The following IMMP2L variants were observed in gnomAD, a reference collection of about 807,000 sequenced individuals.
IMMP2L encodes mitochondrial inner membrane protease subunit 2.
A neutral mutation model predicts 19.3 loss-of-function variants in IMMP2L; 18 were observed. That is an observed-to-expected ratio of 0.93 (90% CI 0.64 to 1.38). IMMP2L has a LOEUF of 1.38. IMMP2L is among the 40% of genes most tolerant of loss of function. The probability of loss-of-function intolerance (pLI) is 0.00; values close to 1 mark genes in which losing one functional copy is unlikely to be tolerated. For missense variants in IMMP2L, 233 were observed against 218.2 expected, an observed-to-expected ratio of 1.07 and a Z score of -0.43; for synonymous variants, 76 against 73.0, an observed-to-expected ratio of 1.04 and a Z score of -0.21.
intron 3 of IMMP2L, among the ~76,000 whole-genome samples, chr7:111,240,319 T>C (rs1389606117): frequency 6.6e-6 from 1 of 151,924 alleles, no homozygotes; most frequent in Non-Finnish European, 1.5e-5. Context: ...ACTTGACTTA[T>C]TTAAGTTTGA....
intron 4 of IMMP2L, among the ~76,000 whole-genome samples, chr7:110,902,931 CAAAAAAAAAAAA>C (rs752631512): frequency 1.2e-4 from 1 of 8,598 alleles, no homozygotes; most frequent in Non-Finnish European, 2.0e-4. Flanking sequence ...GACTCCGTCT[CAAAAAAAAAAAA>C]AAAAAAAAAA....
intron 5 of IMMP2L, 67 bp downstream of exon 5, chr7:110,886,526 T>A: frequency 1.2e-6 from 1 of 855,424 alleles, no homozygotes; most frequent in Non-Finnish European, 2.0e-6. Flanking sequence ...GAATAACCTA[T>A]CTGACATAGT....
At chr7:110,849,320 C>T (rs1805974032) in intron 5 of IMMP2L, among the ~76,000 whole-genome samples, 1 of 151,948 alleles carries the variant, frequency 6.6e-6, no homozygotes, top group Admixed American at 6.6e-5. Flanking sequence ...AAGAAATGAA[C>T]AGAAATCATA....
At chr7:111,375,973 T>C (rs1229653267) in intron 3 of IMMP2L, among the ~76,000 whole-genome samples, 1 of 152,114 alleles carries the variant, frequency 6.6e-6, no homozygotes, top group Non-Finnish European at 1.5e-5. Context: ...ACTTGAGACA[T>C]GTTATAGTAC....
intron 2 of IMMP2L, among the ~76,000 whole-genome samples, chr7:111,511,155 C>G (rs1239238487): frequency 6.6e-6 from 1 of 152,062 alleles, no homozygotes; most frequent in African/African-American, 2.4e-5. Context: ...CCTCTTACAA[C>G]TAAAACACCC....
chr7:111,435,505 T>G (rs527518305), intron 3 of IMMP2L, among the ~76,000 whole-genome samples: 9 of 151,776 alleles, frequency 5.9e-5, no homozygotes, highest in African/African-American at 2.2e-4. Flanking sequence ...AGTGGAACAA[T>G]GGACACTGCA....
chr7:111,438,658 A>C (rs1837428019), intron 3 of IMMP2L, among the ~76,000 whole-genome samples: 1 of 151,914 alleles, frequency 6.6e-6, no homozygotes, highest in Non-Finnish European at 1.5e-5. Flanking sequence ...TATTGTTTAC[A>C]ATCTGGACAA....
chr7:111,423,078 A>G (rs1468592189), intron 3 of IMMP2L, among the ~76,000 whole-genome samples: 4 of 151,810 alleles, frequency 2.6e-5, no homozygotes, highest in East Asian at 3.9e-4. Flanking sequence ...CCACTTGATC[A>G]TGGTGGATAA....
chr7:110,756,880 C>A (rs963043823), intron 5 of IMMP2L, among the ~76,000 whole-genome samples: 2 of 151,956 alleles, frequency 1.3e-5, no homozygotes, highest in Non-Finnish European at 2.9e-5. Flanking sequence ...GAAAGGGAAC[C>A]CACTCAGTAA....
chr7:111,087,197 C>G (rs545224277), intron 3 of IMMP2L, among the ~76,000 whole-genome samples: 1 of 152,296 alleles, frequency 6.6e-6, no homozygotes, highest in Admixed American at 6.5e-5. Flanking sequence ...CGCCTGTAAT[C>G]TCAGCACTTT....
At chr7:111,485,662 A>G (rs1462788833) in intron 3 of IMMP2L, among the ~76,000 whole-genome samples, 4 of 150,714 alleles carry the variant, frequency 2.7e-5, no homozygotes, top group African/African-American at 9.7e-5. Flanking sequence ...TTATATATCA[A>G]TCCCAATTTG....
intron 3 of IMMP2L, among the ~76,000 whole-genome samples, chr7:111,407,335 A>G (rs995212748): frequency 2.6e-5 from 4 of 152,074 alleles, no homozygotes; most frequent in Admixed American, 6.6e-5. Flanking sequence ...ATGAAAACAT[A>G]TATCTACGGA....
chr7:110,771,109 C>A (rs773319619), intron 5 of IMMP2L, among the ~76,000 whole-genome samples: 1 of 152,024 alleles, frequency 6.6e-6, no homozygotes, highest in Non-Finnish European at 1.5e-5. Flanking sequence ...AAGGTTCTGA[C>A]GGGAAATATC....
intron 3 of IMMP2L, among the ~76,000 whole-genome samples, chr7:111,085,884 GAACAGAA>G (rs1796278590): frequency 6.6e-6 from 1 of 152,108 alleles, no homozygotes; most frequent in African/African-American, 2.4e-5. Flanking sequence ...ACTAATGCAG[GAACAGAA>G]AACCAAATAC....
At chr7:110,698,911 G>A (rs544892904) in intron 5 of IMMP2L, among the ~76,000 whole-genome samples, 1 of 152,222 alleles carries the variant, frequency 6.6e-6, no homozygotes, top group East Asian at 1.9e-4. Flanking sequence ...GAAATATTTT[G>A]AATTCTTATT....
chr7:111,216,810 TAAGC>T (rs1811973354), intron 3 of IMMP2L, among the ~76,000 whole-genome samples: 2 of 152,062 alleles, frequency 1.3e-5, no homozygotes, highest in South Asian at 4.1e-4. Flanking sequence ...TTTAAGGCAA[TAAGC>T]CCTTCAACTT....
chr7:110,664,250 T>A (rs73433286), intron 5 of IMMP2L, among the ~76,000 whole-genome samples: 449 of 151,992 alleles, frequency 3.0e-3, no homozygotes, highest in African/African-American at 0.01. Flanking sequence ...ATATATATAT[T>A]TTGTGAAAAA....
intron 3 of IMMP2L, among the ~76,000 whole-genome samples, chr7:111,190,376 G>A (rs1005286212): frequency 5.9e-5 from 9 of 151,936 alleles, no homozygotes; most frequent in Non-Finnish European, 1.0e-4. Context: ...CATGCTAAAT[G>A]TATATTACAG....
At chr7:111,462,034 A>T (rs910211271) in intron 3 of IMMP2L, among the ~76,000 whole-genome samples, 2 of 151,944 alleles carry the variant, frequency 1.3e-5, no homozygotes, top group East Asian at 3.9e-4. Context: ...TATGTACTAT[A>T]GTATCTTCTT....
Sources: gnomAD v4.1 joint callset for allele counts (sites outside exome capture counted in the v4.1 genomes callset) on GRCh38, gnomAD v4.1.1 for gene constraint, MANE v1.5 for transcripts, NCBI Gene and HGNC (gene_info 2026-07-23, HGNC 2026-07-21) for gene names.